LRRC4C: variants seen among roughly 807,000 people sequenced by gnomAD.
LRRC4C encodes leucine rich repeat containing 4C.
In LRRC4C, 5 loss-of-function variants were observed where a neutral mutation model predicts 33.6. The ratio of observed to expected loss-of-function variants is 0.15; its 90% CI spans 0.08 to 0.31. LRRC4C has a LOEUF of 0.31. Ranked by LOEUF, LRRC4C falls within the 10% of genes least tolerant of loss-of-function variation. The pLI is 1.00. For missense variants in LRRC4C, 560 were observed against 796.7 expected, an observed-to-expected ratio of 0.70 and a Z score of 3.58; for synonymous variants, 329 against 302.0, an observed-to-expected ratio of 1.09 and a Z score of -0.93.
At chr11:40,417,505 A>T (rs979974463) in intron 3 of LRRC4C, among the ~76,000 whole-genome samples, 4 of 146,848 alleles carry the variant, frequency 2.7e-5, no homozygotes, top group African/African-American at 7.5e-5. Context: ...CTAATTTTTT[A>T]TTTTTTTTTT....
At chr11:40,298,669 G>C (rs1944629138) in intron 4 of LRRC4C, among the ~76,000 whole-genome samples, 1 of 151,874 alleles carries the variant, frequency 6.6e-6, no homozygotes, top group South Asian at 2.1e-4. Flanking sequence ...TTTTCACATT[G>C]CTATAAAGAT....
intron 2 of LRRC4C, among the ~76,000 whole-genome samples, chr11:40,692,755 T>A (rs938918119): frequency 1.3e-5 from 2 of 152,084 alleles, no homozygotes; most frequent in African/African-American, 2.4e-5. Context: ...GATATTTAGA[T>A]GAATTAATGA....
At chr11:41,454,704 G>A (rs983221562) in intron 1 of LRRC4C, among the ~76,000 whole-genome samples, 1 of 152,152 alleles carries the variant, frequency 6.6e-6, no homozygotes, top group African/African-American at 2.4e-5. Context: ...AAAAGGGTCT[G>A]ATGAAGCCAT....
At chr11:40,164,073 C>A (rs1859385553) in intron 5 of LRRC4C, among the ~76,000 whole-genome samples, 1 of 152,130 alleles carries the variant, frequency 6.6e-6, no homozygotes, top group Non-Finnish European at 1.5e-5. Flanking sequence ...GTGAGAGGGT[C>A]ATGTGTCAAA....
chr11:40,214,838 C>CT (rs35270881), intron 5 of LRRC4C, among the ~76,000 whole-genome samples: 1 of 152,094 alleles, frequency 6.6e-6, no homozygotes, highest in African/African-American at 2.4e-5. Context: ...TTTCTTTGCC[C>CT]TTTTTTTCCC....
At chr11:40,658,019 A>C (rs1943220412) in intron 2 of LRRC4C, among the ~76,000 whole-genome samples, 1 of 152,232 alleles carries the variant, frequency 6.6e-6, no homozygotes, top group Non-Finnish European at 1.5e-5. Context: ...TCTTAGTTGC[A>C]CCCAATCTCT....
At chr11:40,205,592 C>G (rs1294336232) in intron 5 of LRRC4C, among the ~76,000 whole-genome samples, 2 of 152,046 alleles carry the variant, frequency 1.3e-5, no homozygotes, top group Admixed American at 1.3e-4. Flanking sequence ...TATATATACT[C>G]ATATTCACCC....
At chr11:40,583,543 T>G (rs1414438946) in intron 3 of LRRC4C, among the ~76,000 whole-genome samples, 1 of 152,188 alleles carries the variant, frequency 6.6e-6, no homozygotes, top group Non-Finnish European at 1.5e-5. Context: ...ATACCTTGCC[T>G]GTCTTAGTAT....
At chr11:41,422,293 G>A (rs567111261) in intron 1 of LRRC4C, among the ~76,000 whole-genome samples, 1 of 152,068 alleles carries the variant, frequency 6.6e-6, no homozygotes, top group African/African-American at 2.4e-5. Flanking sequence ...TGATTGGCCT[G>A]AACCAACTAT....
chr11:41,136,124 T>C (rs921159388), intron 1 of LRRC4C, among the ~76,000 whole-genome samples: 4 of 152,054 alleles, frequency 2.6e-5, no homozygotes, highest in South Asian at 2.1e-4. Flanking sequence ...GGATATACAA[T>C]GAAGAACAAC....
At chr11:40,810,425 A>C (rs1951439588) in intron 2 of LRRC4C, among the ~76,000 whole-genome samples, 1 of 152,184 alleles carries the variant, frequency 6.6e-6, no homozygotes, top group Non-Finnish European at 1.5e-5. Flanking sequence ...ACTTTCTTCC[A>C]AGATGATCTT....
At chr11:41,331,606 A>G (rs75677205) in intron 1 of LRRC4C, among the ~76,000 whole-genome samples, 1,821 of 152,242 alleles carry the variant, frequency 0.012, 39 homozygotes, top group African/African-American at 0.042. Context: ...TATCCAACTC[A>G]AGGCACTTGC....
intron 1 of LRRC4C, chr11:41,423,995 C>G (rs1366813991): frequency 6.6e-6 from 1 of 152,172 alleles, no homozygotes. Context: ...TCCAAAAACC[C>G]TCTTTCTTTT....
chr11:41,426,067 G>T (rs1955029540), intron 1 of LRRC4C, among the ~76,000 whole-genome samples: 1 of 152,082 alleles, frequency 6.6e-6, no homozygotes, highest in Admixed American at 6.6e-5. Flanking sequence ...TGAAACTGGG[G>T]CCACCTTTTG....
chr11:40,541,732 GACTC>G (rs1290813929), intron 3 of LRRC4C, among the ~76,000 whole-genome samples: 2 of 152,102 alleles, frequency 1.3e-5, no homozygotes, highest in Admixed American at 6.6e-5. Context: ...GATAGACCAT[GACTC>G]ACTCAATCAT....
intron 3 of LRRC4C, among the ~76,000 whole-genome samples, chr11:40,428,950 G>A (rs1041750278): frequency 6.6e-6 from 1 of 152,176 alleles, no homozygotes; most frequent in Non-Finnish European, 1.5e-5. Context: ...TTTCTAAAAA[G>A]TAGAAAGAAT....
rs117730559 is a variant in LRRC4C at position 40,330,559 on chromosome 11, T to C, written c.-269-10838A>G. Among the ~76,000 whole-genome samples the C allele has an allele frequency of 1.3e-3, 192 of 152,282 alleles. 5 individuals carry two copies. The East Asian group carries it at 0.035, about 28-fold the overall frequency. On this transcript the variant is annotated intron_variant, in intron 3 of 6. Transcript: ENST00000528697. ...TAATTTATAAAGGAAAGAGGTTTCA[T>C]TGACTCACTGTTCTGCATGGCTGGG...
chr11:40,500,313 C>T (rs1377152305), intron 3 of LRRC4C, among the ~76,000 whole-genome samples: 17 of 146,698 alleles, frequency 1.2e-4, no homozygotes, highest in East Asian at 4.0e-4. Context: ...CACACACACA[C>T]ACACACACAC....
chr11:40,677,097 A>C (rs1004977359), intron 2 of LRRC4C, among the ~76,000 whole-genome samples: 1 of 152,004 alleles, frequency 6.6e-6, no homozygotes, highest in Non-Finnish European at 1.5e-5. Flanking sequence ...TTTACTTTTC[A>C]TACATTTGCT....
Sources: gnomAD v4.1 joint callset for allele counts (sites outside exome capture counted in the v4.1 genomes callset) on GRCh38, gnomAD v4.1.1 for gene constraint, MANE v1.5 for transcripts, NCBI Gene and HGNC (gene_info 2026-07-23, HGNC 2026-07-21) for gene names.